IL10RB: variants seen among roughly 807,000 people sequenced by gnomAD.
The protein encoded by IL10RB is interleukin 10 receptor subunit beta.
In IL10RB, 30 loss-of-function variants were observed where a neutral mutation model predicts 38.7. The ratio of observed to expected loss-of-function variants is 0.78; its 90% CI spans 0.58 to 1.05. The LOEUF (loss-of-function observed/expected upper bound fraction) is 1.05. Among genes scored for constraint, IL10RB ranks in the 50% least tolerant of loss-of-function variants. The pLI is 0.00. For synonymous variants in IL10RB, 142 were observed against 145.9 expected, an observed-to-expected ratio of 0.97 and a Z score of 0.19; for missense variants, 328 against 397.1, an observed-to-expected ratio of 0.83 and a Z score of 1.48.
In IL10RB at chr21:33,292,037, T is replaced by G. The variant is rs576564191; in HGVS notation, c.804+3776T>G. Among the ~76,000 whole-genome samples the G allele has an allele frequency of 3.9e-3, 591 of 152,244 alleles. 3 individuals are homozygous for G. Among genetic ancestry groups the G allele is most frequent in the Middle Eastern group, 0.017 (5 of 294 alleles). ...ATCATGTCTCCCTGGCTGTCTGCTG[T>G]CTATGATACATGCTCTCAGTGGGAG... On this transcript the variant is annotated intron_variant, in intron 6 of 6. Transcript: ENST00000290200.
intron 1 of IL10RB, among the ~76,000 whole-genome samples, chr21:33,307,027 A>G (rs1672530911): frequency 6.6e-6 from 1 of 152,180 alleles, no homozygotes. Flanking sequence ...TATCTGGCCC[A>G]GAATAAAGCC....
intron 3 of IL10RB, among the ~76,000 whole-genome samples, chr21:33,278,614 A>G (rs965606726): frequency 1.3e-5 from 2 of 152,216 alleles, no homozygotes; most frequent in African/African-American, 4.8e-5. Context: ...CTTGTCAAAA[A>G]GTCATACAGG....
intron 1 of IL10RB, 64 bp downstream of exon 1, chr21:33,266,578 G>C: frequency 6.7e-7 from 1 of 1,493,714 alleles, no homozygotes; most frequent in South Asian, 1.2e-5. Context: ...TGCCGCCCCT[G>C]ATCCCATCCC....
chr21:33,279,996 A>G lies in IL10RB; in HGVS notation c.498+78A>G, dbSNP rs185766200. 9 of 1,286,914 alleles carry G rather than the reference A, an allele frequency of 7.0e-6. No individual in the cohort carries two copies. In the South Asian group the frequency reaches 7.1e-5, roughly 10 times the overall value. The allele number at this position is 1,286,914 out of a possible 1,614,324, so 79.7% of individuals were successfully genotyped here. ...GAATCTTGCAAGGTGGCAGCACCTT[A>G]TGGACTGGTCCTCTGTAAGCCAAGA... On this transcript the variant is annotated intron_variant, in intron 4 of 6. Coordinates refer to ENST00000290200, the MANE Select transcript of IL10RB (RefSeq NM_000628.5).
At chr21:33,293,591 C>T (rs566162945) in intron 6 of IL10RB, among the ~76,000 whole-genome samples, 1 of 152,310 alleles carries the variant, frequency 6.6e-6, no homozygotes, top group South Asian at 2.1e-4. Context: ...GAAGCCAAGG[C>T]TGGCAGATCA....
rs575100548 is a variant in IL10RB, at chr21:33,270,365, G to GGTTT, written c.173+1861_173+1864dup. Among the ~76,000 whole-genome samples, 303 of 151,754 alleles carry GGTTT rather than the reference G, an allele frequency of 2.0e-3. 2 individuals carry two copies. Among genetic ancestry groups the GGTTT allele is most frequent in the East Asian group, 8.7e-3 (45 of 5,170 alleles). On this transcript the variant is annotated intron_variant, in intron 2 of 6. Transcript: ENST00000290200. The stretch of plus-strand genomic sequence containing the variant: ...TTTCTTGTTCTGTGCTGTGCTTTTG[G>GGTTT]GTTTGTTTGTTTGTTTTTCTTTTTT...
At chr21:33,309,802 A>C (rs2083007636) in exon 2 of IL10RB, 2 of 152,312 alleles carry the variant, frequency 1.3e-5, no homozygotes, top group South Asian at 4.1e-4. Context: ...TTCTCATTAC[A>C]TGTTGCATTG....
At chr21:33,281,659 T>C (rs187969810) in intron 4 of IL10RB, among the ~76,000 whole-genome samples, 1 of 152,188 alleles carries the variant, frequency 6.6e-6, no homozygotes, top group Non-Finnish European at 1.5e-5. Context: ...CTCAGCTTAC[T>C]GCAACCTCCG....
chr21:33,306,353 A>G (rs945537149), intron 1 of IL10RB, among the ~76,000 whole-genome samples: 1 of 152,236 alleles, frequency 6.6e-6, no homozygotes. Context: ...TGTAACAATT[A>G]TATTCATGTG....
intron 6 of IL10RB, among the ~76,000 whole-genome samples, chr21:33,293,517 G>C (rs1015817283): frequency 4.6e-5 from 7 of 152,166 alleles, no homozygotes; most frequent in African/African-American, 1.4e-4. Context: ...AGAGCGACTA[G>C]AACCCCCTAC....
chr21:33,283,762 G>A (rs1385372481), intron 5 of IL10RB, among the ~76,000 whole-genome samples: 1 of 152,024 alleles, frequency 6.6e-6, no homozygotes. Flanking sequence ...CACACCATAT[G>A]GATCACTTCT....
At chr21:33,285,725 C>T (rs1157332706) in intron 5 of IL10RB, among the ~76,000 whole-genome samples, 2 of 152,140 alleles carry the variant, frequency 1.3e-5, no homozygotes, top group Non-Finnish European at 2.9e-5. Context: ...GAATGAGTCT[C>T]CGGGCGCCAA....
downstream of IL10RB, among the ~76,000 whole-genome samples, chr21:33,299,100 G>A (rs1225633915): frequency 2.6e-5 from 4 of 152,122 alleles, no homozygotes; most frequent in South Asian, 2.1e-4. Flanking sequence ...CCCCAAACCC[G>A]GAAACCCACT....
At chr21:33,283,389 T>A (rs1447111420) in intron 5 of IL10RB, 148 bp downstream of exon 5, 1 of 848,428 alleles carries the variant, frequency 1.2e-6, no homozygotes, top group Admixed American at 2.0e-5. Context: ...CTCAGCTTCA[T>A]GCTAGGAAGG....
intron 3 of IL10RB, among the ~76,000 whole-genome samples, chr21:33,277,543 G>GAA (rs1312757378): frequency 9.2e-5 from 14 of 151,836 alleles, no homozygotes; most frequent in Non-Finnish European, 2.1e-4. Flanking sequence ...CTCACATAGA[G>GAA]AAAAGCACTA....
intron 2 of IL10RB, 141 bp downstream of exon 2, chr21:33,268,658 C>G (rs956435729): frequency 2.2e-5 from 16 of 724,006 alleles, no homozygotes; most frequent in African/African-American, 3.5e-5. Context: ...TCCCTGCCAG[C>G]CTTTTGCTGT....
At position 33,279,780 on chromosome 21, in the gene IL10RB, A is replaced by G. The variant is rs1989246111; in HGVS notation, c.360A>G (p.Val120=). The change falls in exon 4 of 7, where the codon GTA becomes GTG. Residue 120 remains valine (V), a synonymous_variant. Transcript: ENST00000290200. ...DTIIGPPGMQ[V]EVLADSLHMR... ...TTATTGGACCCCCTGGAATGCAAGT[A>G]GAAGTACTTGCTGATTCTTTACATA... 2 of 1,614,052 alleles carry G rather than the reference A, an allele frequency of 1.2e-6. No homozygotes were observed. The highest frequency in any genetic ancestry group is 2.2e-5 in the East Asian group (1 of 44,884).
chr21:33,289,634 G>T (rs1171700885), intron 6 of IL10RB, among the ~76,000 whole-genome samples: 1 of 152,194 alleles, frequency 6.6e-6, no homozygotes, highest in African/African-American at 2.4e-5. Flanking sequence ...GAGGTGCCCA[G>T]TGACTCTGGC....
In IL10RB at chr21:33,288,245, C is replaced by T; in HGVS notation, c.788C>T (p.Pro263Leu). The T allele has an allele frequency of 6.2e-7, 1 of 1,614,030 alleles. No homozygotes were observed. The highest frequency in any genetic ancestry group is 8.5e-7 in the Non-Finnish European group (1 of 1,179,908). The change falls in exon 6 of 7, where the codon CCA becomes CTA. Residue 263 changes from proline (P) to leucine (L), a missense_variant. Pro to Leu is a moderately conservative substitution (Grantham distance 98). Coordinates refer to ENST00000290200, the MANE Select transcript of IL10RB (RefSeq NM_000628.5). ...GCCTTCTCCCCTAGGAATTCTCTTC[C>T]ACAGCACCTGAAAGAGGTAGGTAGG... ...KYAFSPRNSL[P>L]QHLKEFLGHP...
Sources: allele counts gnomAD v4.1 joint callset (sites outside exome capture counted in the v4.1 genomes callset), GRCh38; gene constraint gnomAD v4.1.1; transcripts MANE v1.5; gene names NCBI Gene and HGNC (gene_info 2026-07-23, HGNC 2026-07-21).